Variants in SOAT2 observed in about 807,000 individuals in gnomAD.
SOAT2 encodes the protein ACAT-2.
A neutral mutation model predicts 76.0 loss-of-function variants in SOAT2; 87 were observed. That is an observed-to-expected ratio of 1.14 (90% CI 0.96 to 1.37). SOAT2 has a LOEUF of 1.37. Ranked by LOEUF, SOAT2 falls within the 40% of genes most tolerant of loss-of-function variation. SOAT2 has a pLI of 0.00. For missense variants in SOAT2, 686 were observed against 682.1 expected, an observed-to-expected ratio of 1.01 and a Z score of -0.06; for synonymous variants, 285 against 275.4, an observed-to-expected ratio of 1.03 and a Z score of -0.34.
Position 53,122,508 on chromosome 12 carries a change from C to T in SOAT2, c.1237-573C>T, listed in dbSNP as rs1938207182. Among the ~76,000 whole-genome samples the T allele has an allele frequency of 2.7e-5, 4 of 150,604 alleles. No individual in the cohort carries two copies. The South Asian group carries it at 8.3e-4, about 31-fold the overall frequency. Reference sequence around the variant, plus strand: ...TCCGCAGTGTTTGTGTCCCTGGGTACTTAAGATTAGGGAGTGGTGATGACT... The same window carrying T: ...TCCGCAGTGTTTGTGTCCCTGGGTATTTAAGATTAGGGAGTGGTGATGACT... On this transcript the variant is annotated intron_variant, in intron 12 of 14. Coordinates refer to ENST00000301466, the MANE Select transcript of SOAT2 (RefSeq NM_003578.4).
chr12:53,104,462 C>G (rs1937897034), intron 2 of SOAT2, among the ~76,000 whole-genome samples: 1 of 151,612 alleles, frequency 6.6e-6, no homozygotes, highest in African/African-American at 2.4e-5. Context: ...TTAGTAGAGA[C>G]GGGGTTTCAC....
At chr12:53,120,715 A>C in intron 10 of SOAT2, 71 bp from the exon 11 acceptor site, 1 of 1,089,794 alleles carries the variant, frequency 9.2e-7, no homozygotes. Context: ...GCTCCTCAGA[A>C]CCCAGATCAG....
chr12:53,105,513 C>T (rs563520707), intron 3 of SOAT2, 48 bp from the exon 4 acceptor site: 1 of 1,562,236 alleles, frequency 6.4e-7, no homozygotes, highest in East Asian at 2.3e-5. Context: ...TGGCCCTGCC[C>T]TCTGCCCATT....
intron 5 of SOAT2, among the ~76,000 whole-genome samples, chr12:53,114,546 C>A (rs1938070417): frequency 6.6e-6 from 1 of 151,774 alleles, no homozygotes; most frequent in Non-Finnish European, 1.5e-5. Flanking sequence ...TATGGTGAAA[C>A]CCTGTCTCTA....
In SOAT2 at chr12:53,124,173, C is replaced by A. The variant is rs1455775065; in HGVS notation, c.*50C>A. 2 of 1,602,976 alleles carry A rather than the reference C, an allele frequency of 1.2e-6. No individual in the cohort carries two copies. Among genetic ancestry groups the A allele is most frequent in the Non-Finnish European group, 1.7e-6 (2 of 1,170,026 alleles). The stretch of plus-strand genomic sequence containing the variant: ...GCCCAGACACCACCAAGTTCTCTGC[C>A]TGCAAAACCTGGGACCAGGACTCCT... On this transcript the variant is annotated 3_prime_UTR_variant, in exon 15 of 15. Transcript: ENST00000301466.
In SOAT2 at chr12:53,122,827, C is replaced by T. The variant is rs572501647; in HGVS notation, c.1237-254C>T. On this transcript the variant is annotated intron_variant, in intron 12 of 14. Transcript: ENST00000301466. The stretch of plus-strand genomic sequence containing the variant: ...CAAAACTGCCATTGTCATCATGGCC[C>T]GTTCTCAATGAGCTGTTGGGTACAC... Among the ~76,000 whole-genome samples the T allele has an allele frequency of 2.2e-3, 332 of 152,268 alleles. 5 individuals carry two copies. The highest frequency in any genetic ancestry group is 0.017 in the Middle Eastern group (5 of 294).
chr12:53,121,175 C>T, intron 11 of SOAT2, 128 bp from the exon 12 acceptor site: 1 of 718,614 alleles, frequency 1.4e-6, no homozygotes, highest in Non-Finnish European at 2.5e-6. Context: ...TCTGCTGTCC[C>T]TGTTCTGCCA....
intron 5 of SOAT2, among the ~76,000 whole-genome samples, chr12:53,112,573 T>C (rs576398026): frequency 1.4e-5 from 2 of 143,616 alleles, no homozygotes; most frequent in East Asian, 4.1e-4. Flanking sequence ...GACAAGGTCC[T>C]AGGAGAGAAA....
chr12:53,107,622 C>CTTTTTTTTTTTTTTTTTTTTCTT (rs1303838303), intron 5 of SOAT2, among the ~76,000 whole-genome samples: 1 of 117,036 alleles, frequency 8.5e-6, no homozygotes, highest in African/African-American at 3.7e-5. Context: ...AACAGATGTA[C>CTTTTTTTTTTTTTTTTTTTTCTT]TTTTTTTTTT....
In SOAT2 at chr12:53,119,293, G is replaced by C. The variant is rs199584646; in HGVS notation, c.1039+40G>C. ...GTAGGGCTAGAGCAGCTGTGCCCTG[G>C]GGAAGGCTAATCAGGGAAGGCCTTG... On this transcript the variant is annotated intron_variant, in intron 10 of 14. Transcript: ENST00000301466. 2.1e-5 allele frequency: 34 copies of C among 1,606,456 alleles called. No homozygotes were observed. In the African/African-American group the frequency reaches 4.3e-4, roughly 20 times the overall value.
chr12:53,104,060 G>A, intron 1 of SOAT2, 91 bp from the exon 2 acceptor site: 1 of 1,069,280 alleles, frequency 9.4e-7, no homozygotes. Context: ...CAGCTGCTGA[G>A]CACACAAAGC....
chr12:53,116,208 G>A, intron 7 of SOAT2, 42 bp downstream of exon 7: 1 of 1,560,864 alleles, frequency 6.4e-7, no homozygotes, highest in Non-Finnish European at 8.8e-7. Context: ...CAGTCCTCTT[G>A]GCTGACTGAA....
Position 53,104,202 on chromosome 12 carries a change from T to C in SOAT2, c.134T>C (p.Met45Thr), listed in dbSNP as rs755399781. 3.1e-6 allele frequency: 5 copies of C among 1,610,582 alleles called. No homozygotes were observed. The Admixed American group carries it at 6.7e-5, about 22-fold the overall frequency. Residue 45 changes from methionine (M) to threonine (T), a missense_variant, in exon 2 of 15, where the codon ATG (methionine) becomes ACG (threonine). Transcript: ENST00000301466. Reference sequence around the variant, plus strand: ...GACTTGGTACAATGGACCCGACACATGGAGGTGAGGGATGTCAGAGGTCAG... The same window carrying C: ...GACTTGGTACAATGGACCCGACACACGGAGGTGAGGGATGTCAGAGGTCAG... The part of the protein sequence containing the change: ...APDLVQWTRH[M>T]EAVKAQLLEQ...
At chr12:53,107,041 C>T (rs565009636) in intron 5 of SOAT2, among the ~76,000 whole-genome samples, 1 of 152,174 alleles carries the variant, frequency 6.6e-6, no homozygotes, top group African/African-American at 2.4e-5. Context: ...TGTATAAGGG[C>T]ACTGGTTTTT....
At position 53,106,003 on chromosome 12, in the gene SOAT2, T is replaced by TG. The variant is rs1372026504; in HGVS notation, c.433dup (p.Asp145GlyfsTer2). 5 of 1,613,092 alleles carry TG rather than the reference T, an allele frequency of 3.1e-6. No individual in the cohort carries two copies. The East Asian group carries it at 1.1e-4, about 36-fold the overall frequency. On this transcript the variant is annotated frameshift_variant, in exon 5 of 15. Transcript: ENST00000301466. LOFTEE classifies it high-confidence loss of function. The stretch of plus-strand genomic sequence containing the variant: ...TCAGCACCCTGGCCATCGACTTCAT[T>TG]GATGAGGGCAGGTAGGTCCCCTTCC...
At chr12:53,118,856 A>C (rs199948953) in intron 8 of SOAT2, 34 bp from the exon 9 acceptor site, 27 of 1,612,806 alleles carry the variant, frequency 1.7e-5, no homozygotes, top group Admixed American at 1.7e-4. Context: ...AACATGAAAG[A>C]ATGAGAAACA....
Position 53,123,186 on chromosome 12 carries a change from G to C in SOAT2, c.1342G>C (p.Val448Leu). The change falls in exon 13 of 15, where the codon GTC becomes CTC. Residue 448 changes from valine (V) to leucine (L), a missense_variant. Transcript: ENST00000301466. ...FCFVLGFFYP[V>L]MLILFLVIGG... Reference sequence around the variant, plus strand: ...CTTCGTCCTGGGGTTCTTCTATCCCGTCATGCTGATACTCTTCCTTGTCAT... The same window carrying C: ...CTTCGTCCTGGGGTTCTTCTATCCCCTCATGCTGATACTCTTCCTTGTCAT... 1 of 1,614,014 alleles carries C rather than the reference G, an allele frequency of 6.2e-7. No individual in the cohort carries two copies. Among genetic ancestry groups the C allele is most frequent in the Non-Finnish European group, 8.5e-7 (1 of 1,179,974 alleles).
In SOAT2 at chr12:53,123,087, G is replaced by T. The variant is rs1489939165; in HGVS notation, c.1243G>T (p.Gly415Cys). 2 of 1,611,784 alleles carry T rather than the reference G, an allele frequency of 1.2e-6. No individual in the cohort carries two copies. The highest frequency in any genetic ancestry group is 8.5e-7 in the Non-Finnish European group (1 of 1,179,278). The change falls in exon 13 of 15, where the codon GGT becomes TGT. Residue 415 changes from glycine (G) to cysteine (C), a missense_variant. By Grantham distance (159) the Gly-to-Cys change is radical (BLOSUM62 -3). Transcript: ENST00000301466. Reference protein sequence around the residue: ...YVYQDGLRLLGARARGVAMLG... With the variant: ...YVYQDGLRLLCARARGVAMLG... ...CCTTTCCTCACCCTGCCAGCTCCTT[G>T]GTGCCCGGGCCCGAGGGGTAGCCAT...
chr12:53,118,307 CTGCCCT>C (rs770891631), intron 7 of SOAT2, 37 bp from the exon 8 acceptor site: 77 of 1,344,666 alleles, frequency 5.7e-5, no homozygotes, highest in Non-Finnish European at 7.8e-5. Flanking sequence ...CCTCTGCCCT[CTGCCCT>C]TGCCCTTACT....
Sources: allele counts gnomAD v4.1 joint callset (sites outside exome capture counted in the v4.1 genomes callset), GRCh38; gene constraint gnomAD v4.1.1; transcripts MANE v1.5; gene names NCBI Gene and HGNC (gene_info 2026-07-23, HGNC 2026-07-21).